The following CACNA2D3 variants were observed in gnomAD, a reference collection of about 807,000 sequenced individuals.
CACNA2D3 encodes calcium voltage-gated channel auxiliary subunit alpha2delta 3.
A neutral mutation model predicts 160.6 loss-of-function variants in CACNA2D3; 60 were observed. The ratio of observed to expected loss-of-function variants is 0.37; its 90% confidence interval spans 0.30 to 0.46. The LOEUF (loss-of-function observed/expected upper bound fraction) is 0.46. Ranked by LOEUF, CACNA2D3 falls within the 20% of genes least tolerant of loss-of-function variation. CACNA2D3 has a pLI of 1.00. For missense variants in CACNA2D3, 1,205 were observed against 1,365.0 expected (o/e 0.88, Z 1.85); for synonymous variants, 558 against 492.9 (o/e 1.13, Z -1.75).
At chr3:55,030,174 C>A (rs111860787) in intron 35 of CACNA2D3, among the ~76,000 whole-genome samples, 494 of 152,250 alleles carry the variant, frequency 3.2e-3, no homozygotes, top group African/African-American at 0.01. Flanking sequence ...TGTCTCAATT[C>A]TACACAGTCA....
intron 13 of CACNA2D3, among the ~76,000 whole-genome samples, chr3:54,801,101 C>T (rs1391861361): frequency 2.0e-5 from 3 of 151,924 alleles, no homozygotes; most frequent in Admixed American, 2.0e-4. Flanking sequence ...ATTCTAACGC[C>T]TCAGCCTCCT....
intron 3 of CACNA2D3, among the ~76,000 whole-genome samples, chr3:54,323,466 T>TC (rs200479093): frequency 5.2e-5 from 5 of 96,500 alleles, no homozygotes; most frequent in African/African-American, 1.5e-4. Flanking sequence ...TCTTTTTCTT[T>TC]TCTTTTTTTT....
chr3:54,747,611 C>T (rs1337457458), intron 11 of CACNA2D3, among the ~76,000 whole-genome samples: 1 of 152,154 alleles, frequency 6.6e-6, no homozygotes, highest in Non-Finnish European at 1.5e-5. Flanking sequence ...CAGGGATCCA[C>T]ATGATGTGGC....
chr3:54,250,786 G>A (rs9839526), intron 2 of CACNA2D3, among the ~76,000 whole-genome samples: 7,554 of 151,968 alleles, frequency 0.05, 386 homozygotes, highest in East Asian at 0.11. Flanking sequence ...AACTCCTAGG[G>A]GGCTTACAGT....
rs1366142691 is a variant in CACNA2D3, at chr3:54,150,367, C to A, written c.204+26773C>A. 2.6e-5 allele frequency among the ~76,000 whole-genome samples: 4 copies of A among 152,150 alleles called. No homozygotes were observed. In the East Asian group the frequency reaches 7.7e-4, roughly 29 times the overall value. On this transcript the variant is annotated intron_variant, in intron 2 of 37. Transcript: ENST00000474759. ...ATGAAAATGAAAGGCACAATGGAAT[C>A]TTTTCATTCCAGGGGCAAGAGTATG...
chr3:54,615,556 A>G (rs1698831985), intron 9 of CACNA2D3, among the ~76,000 whole-genome samples: 1 of 152,224 alleles, frequency 6.6e-6, no homozygotes, highest in Non-Finnish European at 1.5e-5. Flanking sequence ...ATCAATCACA[A>G]TGAGTAGATC....
chr3:54,600,309 C>G (rs1350505832), intron 9 of CACNA2D3, among the ~76,000 whole-genome samples: 1 of 152,194 alleles, frequency 6.6e-6, no homozygotes, highest in African/African-American at 2.4e-5. Context: ...TTAAATTCAT[C>G]CACTGCACAA....
intron 3 of CACNA2D3, among the ~76,000 whole-genome samples, chr3:54,350,982 G>GTTTTTTTTTTTTTTT (rs1491034355): frequency 8.1e-5 from 5 of 61,818 alleles, no homozygotes; most frequent in Admixed American, 2.0e-4. Flanking sequence ...TTTTTTTTTT[G>GTTTTTTTTTTTTTTT]TTTGTTTTTT....
At chr3:54,312,736 A>G (rs773867885) in intron 2 of CACNA2D3, among the ~76,000 whole-genome samples, 3 of 152,224 alleles carry the variant, frequency 2.0e-5, no homozygotes, top group Non-Finnish European at 4.4e-5. Context: ...TTCTGCTAAC[A>G]GAAGGGATGG....
At chr3:54,306,861 A>G (rs1281600586) in intron 2 of CACNA2D3, among the ~76,000 whole-genome samples, 1 of 152,202 alleles carries the variant, frequency 6.6e-6, no homozygotes, top group Non-Finnish European at 1.5e-5. Flanking sequence ...GACATTTTGT[A>G]CTAAGCCCCA....
intron 27 of CACNA2D3, among the ~76,000 whole-genome samples, chr3:54,933,305 T>A (rs1307910046): frequency 6.6e-6 from 1 of 152,216 alleles, no homozygotes; most frequent in Non-Finnish European, 1.5e-5. Context: ...CAAATCTCAG[T>A]GGTTTAACAG....
At chr3:55,057,303 C>A (rs144753435) in intron 35 of CACNA2D3, among the ~76,000 whole-genome samples, 1 of 152,182 alleles carries the variant, frequency 6.6e-6, no homozygotes, top group East Asian at 1.9e-4. Flanking sequence ...GATATGTAAA[C>A]AATCTTAATC....
At chr3:54,704,399 G>C (rs756300008) in intron 11 of CACNA2D3, among the ~76,000 whole-genome samples, 15 of 152,030 alleles carry the variant, frequency 9.9e-5, no homozygotes, top group Non-Finnish European at 1.9e-4. Context: ...CCTTCTATTG[G>C]GGGGACACTG....
chr3:54,962,744 C>T (rs1244153113), intron 27 of CACNA2D3, among the ~76,000 whole-genome samples: 1 of 152,072 alleles, frequency 6.6e-6, no homozygotes, highest in Non-Finnish European at 1.5e-5. Context: ...TTTGGATGAG[C>T]TCTCTATGTG....
intron 11 of CACNA2D3, among the ~76,000 whole-genome samples, chr3:54,652,514 G>C (rs1559539854): frequency 6.6e-6 from 1 of 152,200 alleles, no homozygotes; most frequent in Non-Finnish European, 1.5e-5. Context: ...GCCAAGACGA[G>C]CCTCTTGGAG....
chr3:54,673,149 G>A (rs1055029197), intron 11 of CACNA2D3, among the ~76,000 whole-genome samples: 4 of 152,194 alleles, frequency 2.6e-5, no homozygotes, highest in East Asian at 3.9e-4. Flanking sequence ...TTTAACAGCT[G>A]TGTAATCTGG....
At chr3:54,436,941 G>A (rs9816445) in intron 4 of CACNA2D3, among the ~76,000 whole-genome samples, 3,372 of 152,262 alleles carry the variant, frequency 0.022, 57 homozygotes, top group South Asian at 0.055. Context: ...TACTTAAAGA[G>A]TGAAGAGGTT....
intron 3 of CACNA2D3, among the ~76,000 whole-genome samples, chr3:54,341,056 C>A (rs1271053751): frequency 6.6e-6 from 1 of 152,198 alleles, no homozygotes; most frequent in East Asian, 1.9e-4. Flanking sequence ...TGGTGGCTTG[C>A]CCTGGACTTC....
chr3:54,268,275 G>A (rs1029762567), intron 2 of CACNA2D3, among the ~76,000 whole-genome samples: 1 of 152,184 alleles, frequency 6.6e-6, no homozygotes, highest in South Asian at 2.1e-4. Flanking sequence ...GGTCGTTCGA[G>A]CTCTGCTGAT....
Sources: allele counts gnomAD v4.1 joint callset (sites outside exome capture counted in the v4.1 genomes callset), GRCh38; gene constraint gnomAD v4.1.1; transcripts MANE v1.5; gene names NCBI Gene and HGNC (gene_info 2026-07-23, HGNC 2026-07-21).